Variants in SHISA9 observed in about 807,000 individuals in gnomAD.
The protein encoded by SHISA9 is shisa family member 9, also known as protein shisa-9.
A neutral mutation model predicts 38.0 loss-of-function variants in SHISA9; 13 were observed. That is an observed-to-expected ratio of 0.34 (90% CI 0.22 to 0.54). The LOEUF is 0.54. SHISA9 is among the 20% of genes least tolerant of loss of function. SHISA9 has a pLI of 0.91. For missense variants in SHISA9, 538 were observed against 575.8 expected (o/e 0.93, Z 0.67); for synonymous variants, 275 against 242.0 (o/e 1.14, Z -1.27).
chr16:13,080,427 A>G (rs991583009), intron 2 of SHISA9, among the ~76,000 whole-genome samples: 2 of 152,208 alleles, frequency 1.3e-5, no homozygotes, highest in East Asian at 1.9e-4. Flanking sequence ...TCCAATTTTT[A>G]TCTTAGCCTA....
intron 4 of SHISA9, among the ~76,000 whole-genome samples, chr16:13,218,046 A>C: frequency 6.6e-6 from 1 of 151,910 alleles, no homozygotes; most frequent in Non-Finnish European, 1.5e-5. Context: ...GAGGGAGGGA[A>C]GGAAGGTAGG....
At chr16:13,164,703 A>G (rs1009903518) in intron 2 of SHISA9, among the ~76,000 whole-genome samples, 6 of 152,090 alleles carry the variant, frequency 3.9e-5, no homozygotes, top group African/African-American at 1.2e-4. Context: ...CATTCTATTC[A>G]GTTCAAAATA....
At chr16:13,391,510 G>A in the SHISA9 span, among the ~76,000 whole-genome samples, 940 of 152,288 alleles carry the variant, frequency 6.2e-3, 15 homozygotes, top group African/African-American at 0.022. Flanking sequence ...AATCTATGCC[G>A]TGCCATCTGC....
chr16:13,445,006 A>AGC, the SHISA9 span, among the ~76,000 whole-genome samples: 1 of 51,956 alleles, frequency 1.9e-5, no homozygotes, highest in Non-Finnish European at 4.0e-5. Context: ...ATATATATAT[A>AGC]TATATATATA....
intron 2 of SHISA9, among the ~76,000 whole-genome samples, chr16:12,991,405 G>T (rs996613030): frequency 6.6e-6 from 1 of 152,114 alleles, no homozygotes; most frequent in Non-Finnish European, 1.5e-5. Flanking sequence ...CAGATATAGA[G>T]AGGTCATTTA....
At chr16:13,351,716 C>T in the SHISA9 span, among the ~76,000 whole-genome samples, 3 of 152,186 alleles carry the variant, frequency 2.0e-5, no homozygotes, top group African/African-American at 7.2e-5. Context: ...TCTATATCTG[C>T]AAAGCATAAA....
At chr16:13,240,607 C>A (rs147970127), downstream of SHISA9, among the ~76,000 whole-genome samples, 2 of 152,282 alleles carry the variant, frequency 1.3e-5, no homozygotes, top group East Asian at 1.9e-4. Context: ...GTGTTTGAAG[C>A]GTTTTTGGTA....
intron 2 of SHISA9, among the ~76,000 whole-genome samples, chr16:13,069,777 G>T (rs2073489408): frequency 6.6e-6 from 1 of 152,066 alleles, no homozygotes; most frequent in Admixed American, 6.5e-5. Flanking sequence ...AAGTGATTAG[G>T]TTATGAGGGC....
intron 2 of SHISA9, among the ~76,000 whole-genome samples, chr16:12,979,531 A>G (rs1296904659): frequency 6.6e-6 from 1 of 152,158 alleles, no homozygotes; most frequent in Non-Finnish European, 1.5e-5. Context: ...TTGTATCATC[A>G]GTCTTGGTTC....
chr16:13,363,740 A>G, the SHISA9 span, among the ~76,000 whole-genome samples: 60 of 152,220 alleles, frequency 3.9e-4, no homozygotes, highest in Non-Finnish European at 7.3e-4. Context: ...TGGCTTCAGG[A>G]TAAGCATGCA....
intron 2 of SHISA9, among the ~76,000 whole-genome samples, chr16:12,966,195 T>C (rs1247466711): frequency 6.6e-6 from 1 of 152,204 alleles, no homozygotes; most frequent in African/African-American, 2.4e-5. Flanking sequence ...TGAAACTGAA[T>C]GTGTTCTGTG....
intron 2 of SHISA9, among the ~76,000 whole-genome samples, chr16:13,106,234 T>G (rs1287308668): frequency 6.6e-6 from 1 of 152,200 alleles, no homozygotes; most frequent in East Asian, 1.9e-4. Flanking sequence ...ATTTTATAAT[T>G]GTATGCTGGT....
intron 2 of SHISA9, among the ~76,000 whole-genome samples, chr16:12,938,502 C>CT (rs1326956188): frequency 2.0e-5 from 3 of 151,790 alleles, no homozygotes; most frequent in Admixed American, 6.6e-5. Flanking sequence ...CTCTCTCTCT[C>CT]TCTTTTTTTT....
At chr16:13,092,602 C>T (rs1464947510) in intron 2 of SHISA9, among the ~76,000 whole-genome samples, 2 of 152,262 alleles carry the variant, frequency 1.3e-5, no homozygotes, top group African/African-American at 4.8e-5. Context: ...TTGAGCAAGG[C>T]TCCATGGGCA....
At chr16:13,391,505 A>G in the SHISA9 span, among the ~76,000 whole-genome samples, 1 of 152,198 alleles carries the variant, frequency 6.6e-6, no homozygotes, top group Non-Finnish European at 1.5e-5. Flanking sequence ...CAACGAATCT[A>G]TGCCGTGCCA....
At chr16:13,545,203 C>G in the SHISA9 span, among the ~76,000 whole-genome samples, 17 of 152,276 alleles carry the variant, frequency 1.1e-4, no homozygotes, top group African/African-American at 3.8e-4. Flanking sequence ...ATAATTTGTC[C>G]AAGATCGCAC....
the SHISA9 span, among the ~76,000 whole-genome samples, chr16:13,526,378 T>C: frequency 6.6e-6 from 1 of 152,100 alleles, no homozygotes; most frequent in Non-Finnish European, 1.5e-5. Flanking sequence ...AGCCAACTGC[T>C]TCTCATTTTA....
chr16:13,404,138 C>G, the SHISA9 span, among the ~76,000 whole-genome samples: 1 of 152,066 alleles, frequency 6.6e-6, no homozygotes, highest in Non-Finnish European at 1.5e-5. Flanking sequence ...TATGTGATCC[C>G]CCACCACCTA....
At chr16:12,959,795 T>G (rs538046854) in intron 2 of SHISA9, among the ~76,000 whole-genome samples, 1 of 152,332 alleles carries the variant, frequency 6.6e-6, no homozygotes. Flanking sequence ...CCTGGGGCTC[T>G]TTGCACAGCT....
Sources: gnomAD v4.1 joint callset for allele counts (sites outside exome capture counted in the v4.1 genomes callset) on GRCh38, gnomAD v4.1.1 for gene constraint, MANE v1.5 for transcripts, NCBI Gene and HGNC (gene_info 2026-07-23, HGNC 2026-07-21) for gene names.